Variants in CHRM3 observed in about 807,000 individuals in gnomAD.
CHRM3 encodes the protein cholinergic receptor muscarinic 3, also known as muscarinic acetylcholine receptor M3.
A neutral mutation model predicts 41.8 loss-of-function variants in CHRM3; 11 were observed. That is an observed-to-expected ratio of 0.26 (90% confidence interval 0.17 to 0.44). CHRM3 has a LOEUF of 0.44. Ranked by LOEUF, CHRM3 falls within the 20% of genes least tolerant of loss-of-function variation. The probability of loss-of-function intolerance (pLI) is 1.00; values close to 1 mark genes in which losing one functional copy is unlikely to be tolerated. For synonymous variants in CHRM3, 297 were observed against 301.4 expected (o/e 0.99, Z 0.15); for missense variants, 571 against 745.4 (o/e 0.77, Z 2.72).
In CHRM3 at chr1:239,887,363, G is replaced by A. The variant is rs544436820; in HGVS notation, c.-19-20070G>A. ...ATTATAGGCACCCGCCACCATGCATGGATAATTTTTGTATTTCTAGTAGAG... is the reference window on the plus strand; with the variant it reads ...ATTATAGGCACCCGCCACCATGCATAGATAATTTTTGTATTTCTAGTAGAG... On this transcript the variant is annotated intron_variant, in intron 6 of 6. Transcript: ENST00000676153. 3.2e-4 allele frequency among the ~76,000 whole-genome samples: 48 copies of A among 152,138 alleles called. 1 individual carries two copies. The highest frequency in any genetic ancestry group is 3.4e-3 in the Middle Eastern group (1 of 294).
intron 5 of CHRM3, among the ~76,000 whole-genome samples, chr1:239,798,132 C>T (rs931436156): frequency 6.6e-6 from 1 of 152,172 alleles, no homozygotes; most frequent in Non-Finnish European, 1.5e-5. Flanking sequence ...CCCAGTTGCT[C>T]AGGCTTAAAA....
intron 1 of CHRM3, among the ~76,000 whole-genome samples, chr1:239,413,064 G>A (rs769334367): frequency 2.1e-5 from 3 of 144,210 alleles, no homozygotes; most frequent in Admixed American, 1.4e-4. Flanking sequence ...GTGACAGAGC[G>A]AGACTCCATG....
chr1:239,511,757 G>C (rs1668938192), intron 2 of CHRM3, among the ~76,000 whole-genome samples: 1 of 152,110 alleles, frequency 6.6e-6, no homozygotes, highest in South Asian at 2.1e-4. Flanking sequence ...TTTACTTCTT[G>C]ATAGAAAGGA....
intron 6 of CHRM3, among the ~76,000 whole-genome samples, chr1:239,859,058 T>C (rs1209250888): frequency 9.2e-5 from 14 of 152,232 alleles, no homozygotes; most frequent in Admixed American, 9.2e-4. Flanking sequence ...TGAACATTTA[T>C]GTACAAGTTT....
At chr1:239,425,025 C>T (rs2103124083) in intron 1 of CHRM3, among the ~76,000 whole-genome samples, 1 of 152,308 alleles carries the variant, frequency 6.6e-6, no homozygotes, top group East Asian at 1.9e-4. Context: ...GATTGACAGG[C>T]TTCTGCAACC....
At chr1:239,552,969 C>T (rs1193762029) in intron 3 of CHRM3, among the ~76,000 whole-genome samples, 1 of 151,940 alleles carries the variant, frequency 6.6e-6, no homozygotes, top group African/African-American at 2.4e-5. Context: ...TTGATCATAA[C>T]AATAATGGCC....
intron 2 of CHRM3, among the ~76,000 whole-genome samples, chr1:239,532,386 A>G (rs557464606): frequency 3.4e-5 from 5 of 148,788 alleles, no homozygotes; most frequent in Admixed American, 6.7e-5. Context: ...CCAGCACTTC[A>G]GGAGGCCGAG....
At chr1:239,611,416 CT>C (rs75352638) in intron 3 of CHRM3, among the ~76,000 whole-genome samples, 4,939 of 96,058 alleles carry the variant, frequency 0.051, 41 homozygotes, top group African/African-American at 0.085. Flanking sequence ...TTGCAAGTGA[CT>C]TTTTTTTTTT....
chr1:239,651,137 G>A (rs1455256106), intron 4 of CHRM3, among the ~76,000 whole-genome samples: 1 of 152,128 alleles, frequency 6.6e-6, no homozygotes, highest in Non-Finnish European at 1.5e-5. Flanking sequence ...ACTTACGTTG[G>A]AGATCCCTAT....
At chr1:239,637,733 T>C (rs1670637096) in intron 4 of CHRM3, among the ~76,000 whole-genome samples, 3 of 149,588 alleles carry the variant, frequency 2.0e-5, no homozygotes. Flanking sequence ...TTGGGGAATT[T>C]GTATTTCTTT....
chr1:239,633,024 G>A, intron 4 of CHRM3, among the ~76,000 whole-genome samples: 1 of 152,228 alleles, frequency 6.6e-6, no homozygotes, highest in East Asian at 1.9e-4. Context: ...CCAGGCTGGA[G>A]TGCAGTGGCG....
intron 3 of CHRM3, among the ~76,000 whole-genome samples, chr1:239,584,909 A>G (rs1276619137): frequency 2.6e-5 from 4 of 152,134 alleles, no homozygotes; most frequent in African/African-American, 7.2e-5. Context: ...ACTCAAATTC[A>G]TGTTCACTGA....
chr1:239,434,915 C>A (rs550924327), intron 1 of CHRM3, among the ~76,000 whole-genome samples: 2 of 152,112 alleles, frequency 1.3e-5, no homozygotes, highest in Non-Finnish European at 2.9e-5. Context: ...CTTATGGAAA[C>A]GGAAGTGGAC....
chr1:239,471,198 A>G (rs932879574), intron 1 of CHRM3, among the ~76,000 whole-genome samples: 1 of 152,222 alleles, frequency 6.6e-6, no homozygotes, highest in African/African-American at 2.4e-5. Context: ...ATAAGTGTTT[A>G]TGATAGTAAA....
intron 5 of CHRM3, among the ~76,000 whole-genome samples, chr1:239,758,665 G>T (rs1666438124): frequency 6.6e-6 from 1 of 152,162 alleles, no homozygotes; most frequent in Admixed American, 6.5e-5. Flanking sequence ...AAGCAGTTCT[G>T]CTTCAAATCG....
intron 1 of CHRM3, among the ~76,000 whole-genome samples, chr1:239,437,343 A>T (rs1175453986): frequency 1.3e-5 from 2 of 152,038 alleles, no homozygotes; most frequent in African/African-American, 4.8e-5. Flanking sequence ...ACTCCTGTCT[A>T]AGCCTCCCAA....
At chr1:239,543,516 T>TTA (rs1658984402) in intron 2 of CHRM3, among the ~76,000 whole-genome samples, 1 of 151,742 alleles carries the variant, frequency 6.6e-6, no homozygotes, top group South Asian at 2.1e-4. Context: ...TTATTTTATT[T>TTA]TTTTTTTTTG....
At chr1:239,864,904 T>G (rs1253294072) in intron 6 of CHRM3, among the ~76,000 whole-genome samples, 1 of 152,188 alleles carries the variant, frequency 6.6e-6, no homozygotes, top group African/African-American at 2.4e-5. Flanking sequence ...TGCTGTCACA[T>G]GAGGCTGCTG....
At chr1:239,675,367 T>C (rs569417808) in intron 4 of CHRM3, among the ~76,000 whole-genome samples, 1 of 152,358 alleles carries the variant, frequency 6.6e-6, no homozygotes, top group African/African-American at 2.4e-5. Context: ...CAGATAATAC[T>C]TCAGTTTAAT....
Sources: gnomAD v4.1 joint callset for allele counts (sites outside exome capture counted in the v4.1 genomes callset) on GRCh38, gnomAD v4.1.1 for gene constraint, MANE v1.5 for transcripts, NCBI Gene and HGNC (gene_info 2026-07-23, HGNC 2026-07-21) for gene names.